The following EYA4 variants were observed in gnomAD, a reference collection of about 807,000 sequenced individuals.
The protein encoded by EYA4 is protein phosphatase EYA4.
A neutral mutation model predicts 87.9 loss-of-function variants in EYA4; 31 were observed. That is an observed-to-expected ratio of 0.35 (90% CI 0.27 to 0.48). EYA4 has a LOEUF of 0.48. Ranked by LOEUF, EYA4 falls within the 20% of genes least tolerant of loss-of-function variation. The pLI is 0.99. For synonymous variants in EYA4, 263 were observed against 270.6 expected, an observed-to-expected ratio of 0.97 and a Z score of 0.28; for missense variants, 678 against 761.4, an observed-to-expected ratio of 0.89 and a Z score of 1.29.
chr6:133,259,404 C>G (rs182979226), intron 1 of EYA4, among the ~76,000 whole-genome samples: 2 of 152,206 alleles, frequency 1.3e-5, no homozygotes, highest in African/African-American at 4.8e-5. Context: ...TGAATTCTTA[C>G]AACTTCAGCC....
chr6:133,465,281 T>C (rs1794748398), intron 10 of EYA4, among the ~76,000 whole-genome samples: 1 of 152,158 alleles, frequency 6.6e-6, no homozygotes, highest in South Asian at 2.1e-4. Context: ...ACATTTTCAG[T>C]CCTAAAAAGT....
intron 1 of EYA4, among the ~76,000 whole-genome samples, chr6:133,256,521 A>G (rs920516117): frequency 1.3e-5 from 2 of 152,066 alleles, no homozygotes; most frequent in African/African-American, 2.4e-5. Context: ...TAACATAGAG[A>G]TGAAAGGTAT....
chr6:133,413,085 T>G (rs1475555672), intron 3 of EYA4, among the ~76,000 whole-genome samples: 1 of 152,212 alleles, frequency 6.6e-6, no homozygotes, highest in Non-Finnish European at 1.5e-5. Context: ...AAGGAAATCA[T>G]AAAATACTGG....
chr6:133,336,821 G>A (rs1294463623), intron 2 of EYA4, among the ~76,000 whole-genome samples: 1 of 152,104 alleles, frequency 6.6e-6, no homozygotes, highest in Non-Finnish European at 1.5e-5. Context: ...TGGAATTTTG[G>A]AGGACAATAT....
chr6:133,348,507 C>T (rs1035385281), intron 2 of EYA4, among the ~76,000 whole-genome samples: 2 of 151,982 alleles, frequency 1.3e-5, no homozygotes, highest in African/African-American at 2.4e-5. Context: ...CCTTGTGAAT[C>T]ACCTGCCTCG....
intron 3 of EYA4, among the ~76,000 whole-genome samples, chr6:133,413,529 G>A (rs767654274): frequency 3.3e-5 from 5 of 151,184 alleles, no homozygotes; most frequent in Non-Finnish European, 5.9e-5. Context: ...AGCTTTCTAA[G>A]ACAGTATCTT....
chr6:133,375,388 G>A (rs1175501101), intron 2 of EYA4, among the ~76,000 whole-genome samples: 3 of 151,896 alleles, frequency 2.0e-5, no homozygotes, highest in Admixed American at 2.0e-4. Context: ...ATAATTTTTA[G>A]TAAAAGCTTA....
At position 133,529,270 on chromosome 6, in the gene EYA4, A is replaced by G. The variant is rs1800864655; in HGVS notation, c.*465A>G. ...ACTCAGACTGTATAAGGACAGTCCT[A>G]TTTAGACATGTAATTTGTGTAAATT... On this transcript the variant is annotated 3_prime_UTR_variant, in exon 20 of 20. Transcript: ENST00000355286. The G allele has an allele frequency of 2.0e-6, 2 of 1,000,250 alleles. No individual in the cohort carries two copies. Among genetic ancestry groups the G allele is most frequent in the African/African-American group, 1.7e-5 (1 of 57,672 alleles). The allele number at this position is 1,000,250 out of a possible 1,614,324, so 62.0% of individuals were successfully genotyped here.
At chr6:133,465,073 T>C (rs1390862574) in intron 10 of EYA4, among the ~76,000 whole-genome samples, 2 of 152,290 alleles carry the variant, frequency 1.3e-5, no homozygotes, top group Middle Eastern at 3.4e-3. Context: ...TAAAGGTTTG[T>C]GCTTTAAACA....
chr6:133,384,210 G>C (rs996116019), intron 3 of EYA4, among the ~76,000 whole-genome samples: 1 of 152,138 alleles, frequency 6.6e-6, no homozygotes, highest in Non-Finnish European at 1.5e-5. Context: ...AATAGAAAGA[G>C]TTCAGAGCTC....
intron 1 of EYA4, among the ~76,000 whole-genome samples, chr6:133,250,198 C>T (rs773346896): frequency 2.6e-5 from 4 of 152,108 alleles, no homozygotes; most frequent in Non-Finnish European, 4.4e-5. Flanking sequence ...TGTATGTATA[C>T]GTGAATGTAG....
intron 5 of EYA4, 61 bp downstream of exon 5, chr6:133,448,240 C>G: frequency 8.4e-7 from 1 of 1,188,356 alleles, no homozygotes; most frequent in Non-Finnish European, 1.3e-6. Flanking sequence ...CTCTGGATTG[C>G]TGTCTGTTGC....
chr6:133,333,794 A>G (rs1265940523), intron 2 of EYA4, among the ~76,000 whole-genome samples: 1 of 152,176 alleles, frequency 6.6e-6, no homozygotes, highest in Non-Finnish European at 1.5e-5. Context: ...AATAAGTAAC[A>G]TGATCATTGT....
At chr6:133,514,390 C>T (rs964850202) in intron 16 of EYA4, among the ~76,000 whole-genome samples, 5 of 152,092 alleles carry the variant, frequency 3.3e-5, no homozygotes, top group African/African-American at 7.2e-5. Flanking sequence ...TTCCTTCTTG[C>T]GGTGTATTAA....
At chr6:133,453,165 T>G (rs1241283250) in intron 5 of EYA4, 5 of 152,106 alleles carry the variant, frequency 3.3e-5, no homozygotes, top group Non-Finnish European at 5.9e-5. Flanking sequence ...TAAGGATTTT[T>G]ACAAGTTAGT....
chr6:133,434,501 C>T (rs1791473671), intron 3 of EYA4, among the ~76,000 whole-genome samples: 1 of 152,146 alleles, frequency 6.6e-6, no homozygotes, highest in African/African-American at 2.4e-5. Context: ...ATTTAATTCA[C>T]ACATTAGCCT....
chr6:133,425,943 A>T (rs1408817084), intron 3 of EYA4, among the ~76,000 whole-genome samples: 1 of 150,854 alleles, frequency 6.6e-6, no homozygotes, highest in African/African-American at 2.5e-5. Flanking sequence ...GACCTCTATC[A>T]TGCAGAAATA....
chr6:133,404,948 A>G (rs1490190258), intron 3 of EYA4, among the ~76,000 whole-genome samples: 1 of 152,158 alleles, frequency 6.6e-6, no homozygotes, highest in Non-Finnish European at 1.5e-5. Context: ...CCCTGGCAGT[A>G]CCCTGCTTAC....
chr6:133,401,139 C>G (rs893862998), intron 3 of EYA4, among the ~76,000 whole-genome samples: 2 of 151,970 alleles, frequency 1.3e-5, no homozygotes, highest in African/African-American at 2.4e-5. Context: ...AAGACAAGCA[C>G]GGAAAAGCAA....
Sources: gnomAD v4.1 joint callset for allele counts (sites outside exome capture counted in the v4.1 genomes callset) on GRCh38, gnomAD v4.1.1 for gene constraint, MANE v1.5 for transcripts, NCBI Gene and HGNC (gene_info 2026-07-23, HGNC 2026-07-21) for gene names.